Variants in PDGFRA observed in about 807,000 individuals in gnomAD.
The protein encoded by PDGFRA is platelet-derived growth factor receptor alpha.
PDGFRA carries 25 observed loss-of-function variants against 121.5 expected under a neutral mutation model. The observed-to-expected ratio is 0.21, with a 90% CI of 0.15 to 0.29. PDGFRA has a LOEUF of 0.29. Among genes scored for constraint, PDGFRA ranks in the 10% least tolerant of loss-of-function variants. The pLI is 1.00. For missense variants in PDGFRA, 1,008 were observed against 1,345.1 expected (o/e 0.75, Z 3.92); for synonymous variants, 463 against 494.8 (o/e 0.94, Z 0.85).
At chr4:54,265,324 T>C (rs1722976304) in intron 5 of PDGFRA, 2 of 407,610 alleles carry the variant, frequency 4.9e-6, no homozygotes, top group Admixed American at 3.5e-5. Flanking sequence ...AATAGGAAGG[T>C]TCTCTGGCTA....
intron 15 of PDGFRA, chr4:54,278,896 C>T (rs1487927580): frequency 2.1e-6 from 1 of 467,726 alleles, no homozygotes; most frequent in Admixed American, 2.3e-5. Context: ...CCTTGCTGAA[C>T]CTGGACCTAT....
In PDGFRA at chr4:54,295,110, C is replaced by T. The variant is rs2110358339; in HGVS notation, c.3123-15C>T. 6.2e-7 allele frequency: 1 copy of T among 1,613,204 alleles called. No homozygotes were observed. The highest frequency in any genetic ancestry group is 8.5e-7 in the Non-Finnish European group (1 of 1,179,162). On this transcript the variant is annotated splice_polypyrimidine_tract_variant and intron_variant, in intron 22 of 22. Coordinates refer to ENST00000257290, the MANE Select transcript of PDGFRA (RefSeq NM_006206.6). The stretch of plus-strand genomic sequence containing the variant: ...TGCAGGAGTTGTAATATTTGCTCTT[C>T]TCTCCCTCCTCCAGCTCGCAGACCT...
chr4:54,269,506 C>CAT (rs1454268473), intron 7 of PDGFRA, among the ~76,000 whole-genome samples: 13 of 90,606 alleles, frequency 1.4e-4, no homozygotes, highest in African/African-American at 6.3e-4. Flanking sequence ...CACATACATA[C>CAT]ACACACACAC....
intron 22 of PDGFRA, among the ~76,000 whole-genome samples, chr4:54,294,500 A>G (rs556995621): frequency 7.2e-4 from 109 of 152,256 alleles, no homozygotes; most frequent in African/African-American, 2.6e-3. Flanking sequence ...CGTTCAAGTT[A>G]AGTAACTTGT....
At chr4:54,278,228 A>T in intron 14 of PDGFRA, 134 bp from the exon 15 acceptor site, 2 of 23,448 alleles carry the variant, frequency 8.5e-5, no homozygotes, top group African/African-American at 9.7e-5. Context: ...TTTATTAAAA[A>T]AAAAAAAAAA....
chr4:54,274,473 G>A (rs2110295555), intron 10 of PDGFRA, 58 bp from the exon 11 acceptor site: 1 of 1,203,426 alleles, frequency 8.3e-7, no homozygotes, highest in Non-Finnish European at 1.2e-6. Flanking sequence ...CTACCTTGCT[G>A]CCCCTGTGCA....
intron 21 of PDGFRA, among the ~76,000 whole-genome samples, chr4:54,289,528 G>A (rs1724524148): frequency 1.3e-5 from 2 of 152,306 alleles, no homozygotes; most frequent in South Asian, 4.1e-4. Context: ...TGTGGAATGG[G>A]AAGCATTGTT....
intron 1 of PDGFRA, among the ~76,000 whole-genome samples, chr4:54,257,089 C>A (rs550750771): frequency 2.0e-5 from 3 of 152,166 alleles, no homozygotes; most frequent in African/African-American, 7.2e-5. Flanking sequence ...CCGAAACCCA[C>A]CAAAACCAAG....
chr4:54,232,964 C>T (rs530210010), intron 1 of PDGFRA, among the ~76,000 whole-genome samples: 344 of 152,304 alleles, frequency 2.3e-3, no homozygotes, highest in African/African-American at 7.9e-3. Flanking sequence ...CACGGCCGTG[C>T]GGCTCTCGTG....
chr4:54,278,795 T>C (rs1374409129), intron 15 of PDGFRA: 1 of 579,336 alleles, frequency 1.7e-6, no homozygotes, highest in Non-Finnish European at 3.3e-6. Flanking sequence ...TTACATGTGA[T>C]CCACTTAGAC....
chr4:54,284,837 T>G (rs1724247054), intron 16 of PDGFRA, among the ~76,000 whole-genome samples: 1 of 151,590 alleles, frequency 6.6e-6, no homozygotes, highest in African/African-American at 2.4e-5. Context: ...AAACCAGATA[T>G]ATGTTTCTGC....
At chr4:54,244,647 G>A (rs377387953) in intron 1 of PDGFRA, among the ~76,000 whole-genome samples, 2 of 152,184 alleles carry the variant, frequency 1.3e-5, no homozygotes, top group Admixed American at 6.6e-5. Flanking sequence ...TGGAAACTCT[G>A]AAAAGCAGAG....
intron 5 of PDGFRA, among the ~76,000 whole-genome samples, chr4:54,266,048 A>C (rs1365490211): frequency 6.6e-6 from 1 of 152,228 alleles, no homozygotes; most frequent in African/African-American, 2.4e-5. Context: ...TCACACAGTG[A>C]AGGGACATTT....
At chr4:54,231,680 G>T (rs1720679530) in intron 1 of PDGFRA, among the ~76,000 whole-genome samples, 1 of 152,240 alleles carries the variant, frequency 6.6e-6, no homozygotes, top group African/African-American at 2.4e-5. Flanking sequence ...TCGCTTTGAC[G>T]CCCTGGTCAG....
intron 21 of PDGFRA, among the ~76,000 whole-genome samples, chr4:54,289,339 T>C (rs1724516665): frequency 1.3e-5 from 2 of 152,182 alleles, no homozygotes; most frequent in African/African-American, 2.4e-5. Context: ...GTACAGTACC[T>C]GTAAGCACTA....
intron 22 of PDGFRA, among the ~76,000 whole-genome samples, chr4:54,292,615 C>T (rs1230318731): frequency 4.6e-5 from 7 of 152,036 alleles, no homozygotes; most frequent in East Asian, 1.9e-4. Context: ...ACCACCATGA[C>T]GCATGTTTAC....
At chr4:54,242,176 G>C (rs1286934138) in intron 1 of PDGFRA, among the ~76,000 whole-genome samples, 1 of 151,828 alleles carries the variant, frequency 6.6e-6, no homozygotes, top group Non-Finnish European at 1.5e-5. Context: ...GAGAATGAGA[G>C]GTTTCCAGTT....
At chr4:54,244,260 C>T (rs1389303698) in intron 1 of PDGFRA, among the ~76,000 whole-genome samples, 1 of 152,222 alleles carries the variant, frequency 6.6e-6, no homozygotes, top group Non-Finnish European at 1.5e-5. Context: ...GGCAGACTGC[C>T]TCCTCAAGTG....
At chr4:54,253,505 C>CG (rs1333033312) in intron 1 of PDGFRA, among the ~76,000 whole-genome samples, 2 of 152,118 alleles carry the variant, frequency 1.3e-5, no homozygotes, top group Non-Finnish European at 2.9e-5. Context: ...GTCAACAGAG[C>CG]AGGGGTCTCT....
Sources: gnomAD v4.1 joint callset for allele counts (sites outside exome capture counted in the v4.1 genomes callset) on GRCh38, gnomAD v4.1.1 for gene constraint, MANE v1.5 for transcripts, NCBI Gene and HGNC (gene_info 2026-07-23, HGNC 2026-07-21) for gene names.